Variants in ANTXR2 observed in about 807,000 individuals in gnomAD.
The protein encoded by ANTXR2 is anthrax toxin receptor 2.
In ANTXR2, 44 loss-of-function variants were observed where a neutral mutation model predicts 73.7. That is an observed-to-expected ratio of 0.60 (90% CI 0.47 to 0.77). The LOEUF (loss-of-function observed/expected upper bound fraction) is 0.77, where lower values mean the gene tolerates loss of function less well. Among genes scored for constraint, ANTXR2 ranks in the 30% least tolerant of loss-of-function variants. The pLI is 0.00. For missense variants in ANTXR2, 604 were observed against 592.5 expected (o/e 1.02, Z -0.20); for synonymous variants, 217 against 205.9 (o/e 1.05, Z -0.46).
intron 7 of ANTXR2, among the ~76,000 whole-genome samples, chr4:80,049,418 G>A (rs1733673365): frequency 6.6e-6 from 1 of 151,590 alleles, no homozygotes; most frequent in African/African-American, 2.4e-5. Context: ...AACATTCCAA[G>A]GATTTAAAGA....
chr4:80,000,441 A>C (rs1049453694), intron 12 of ANTXR2, among the ~76,000 whole-genome samples: 1 of 152,032 alleles, frequency 6.6e-6, no homozygotes, highest in Non-Finnish European at 1.5e-5. Context: ...CAATTTTAAG[A>C]ATTGGGATAG....
At chr4:79,923,077 A>G (rs1472962390) in intron 16 of ANTXR2, among the ~76,000 whole-genome samples, 1 of 151,996 alleles carries the variant, frequency 6.6e-6, no homozygotes, top group Non-Finnish European at 1.5e-5. Context: ...TGCTCATCCT[A>G]TAGGATGAGT....
At chr4:79,983,406 G>A (rs1307754917) in intron 14 of ANTXR2, among the ~76,000 whole-genome samples, 1 of 152,000 alleles carries the variant, frequency 6.6e-6, no homozygotes, top group Non-Finnish European at 1.5e-5. Flanking sequence ...AATTACAATA[G>A]TTCATAAGTG....
At chr4:80,061,099 A>G (rs762562890) in intron 3 of ANTXR2, among the ~76,000 whole-genome samples, 1 of 152,144 alleles carries the variant, frequency 6.6e-6, no homozygotes, top group Non-Finnish European at 1.5e-5. Flanking sequence ...CAGAGTAGTC[A>G]AAGTTTTCAT....
intron 3 of ANTXR2, among the ~76,000 whole-genome samples, chr4:80,060,967 G>A (rs538672409): frequency 6.6e-6 from 1 of 152,134 alleles, no homozygotes; most frequent in Admixed American, 6.5e-5. Flanking sequence ...CCTTCACATG[G>A]TTAGCAAGTC....
intron 15 of ANTXR2, 45 bp downstream of exon 15, chr4:79,977,962 T>C (rs751899592): frequency 6.0e-5 from 91 of 1,528,568 alleles, no homozygotes; most frequent in Non-Finnish European, 8.0e-5. Flanking sequence ...AGTTACAATG[T>C]CTCCAGAAGT....
At chr4:80,007,842 C>T (rs547227977) in intron 12 of ANTXR2, among the ~76,000 whole-genome samples, 101 of 152,198 alleles carry the variant, frequency 6.6e-4, no homozygotes, top group Non-Finnish European at 1.1e-3. Context: ...CCACGTAAAC[C>T]CAGTGAGACT....
At position 80,016,592 on chromosome 4, in the gene ANTXR2, T is replaced by C. The variant is rs745883170; in HGVS notation, c.945+2306A>G. On this transcript the variant is annotated intron_variant, in intron 11 of 16. Transcript: ENST00000403729. ...TTTGTACATCCAATCCAGACCTCTC[T>C]CAGAACTCCAGACTTGCATATTCAG... 1.4e-4 allele frequency among the ~76,000 whole-genome samples: 21 copies of C among 152,304 alleles called. 1 individual carries two copies. In the South Asian group the frequency reaches 2.1e-3, roughly 15 times the overall value.
intron 16 of ANTXR2, among the ~76,000 whole-genome samples, chr4:79,950,239 G>A (rs888256179): frequency 6.6e-6 from 1 of 152,018 alleles, no homozygotes; most frequent in African/African-American, 2.4e-5. Context: ...GAATTTAATA[G>A]TTACTATTTG....
chr4:79,933,939 C>G (rs1728160199), intron 16 of ANTXR2, among the ~76,000 whole-genome samples: 1 of 151,772 alleles, frequency 6.6e-6, no homozygotes, highest in Non-Finnish European at 1.5e-5. Context: ...GGGGTTTCGC[C>G]GTGTTAGGGA....
In ANTXR2 at chr4:80,033,489, T is replaced by G. The variant is rs376950692; in HGVS notation, c.779A>C (p.Asn260Thr). The G allele has an allele frequency of 6.3e-7, 1 of 1,599,470 alleles. No homozygotes were observed. The highest frequency in any genetic ancestry group is 8.5e-7 in the Non-Finnish European group (1 of 1,174,236). ...GGACCTACTCGTTGTATATGTTTCA[T>G]TTACAGTGTAAGTGCAGAGAACACT... Reference protein sequence around the residue: ...NGSVLCTYTVNETYTTSVKPV... With the variant: ...NGSVLCTYTVTETYTTSVKPV... Residue 260 changes from asparagine (N) to threonine (T), a missense_variant, in exon 9 of 17, where the codon AAT (asparagine) becomes ACT (threonine). By Grantham distance (65) the Asn-to-Thr change is moderately conservative. Coordinates refer to ENST00000403729, the MANE Select transcript of ANTXR2 (RefSeq NM_058172.6).
At chr4:79,919,385 G>T (rs1727475873) in intron 16 of ANTXR2, among the ~76,000 whole-genome samples, 2 of 152,110 alleles carry the variant, frequency 1.3e-5, no homozygotes, top group South Asian at 4.1e-4. Context: ...ATGTCAACTT[G>T]ATTGGATTGA....
At chr4:80,038,956 A>C (rs1373927238) in intron 7 of ANTXR2, among the ~76,000 whole-genome samples, 4 of 152,238 alleles carry the variant, frequency 2.6e-5, no homozygotes, top group Admixed American at 1.3e-4. Context: ...ATTATACTAT[A>C]CAGCACATTC....
chr4:80,007,248 G>C (rs928876228), intron 12 of ANTXR2, among the ~76,000 whole-genome samples: 4 of 152,138 alleles, frequency 2.6e-5, no homozygotes, highest in African/African-American at 9.7e-5. Context: ...GCAAACATGA[G>C]AGCGGCGGGA....
intron 12 of ANTXR2, among the ~76,000 whole-genome samples, chr4:79,996,069 TATAAG>T (rs1285350417): frequency 4.6e-5 from 7 of 152,098 alleles, no homozygotes; most frequent in African/African-American, 1.7e-4. Context: ...TCATTTTAAA[TATAAG>T]GAGAGGAAAG....
intron 12 of ANTXR2, among the ~76,000 whole-genome samples, chr4:80,002,193 T>TAC (rs1364962025): frequency 1.3e-5 from 2 of 152,124 alleles, no homozygotes; most frequent in Non-Finnish European, 2.9e-5. Context: ...AACAGCATGG[T>TAC]ACTGGTACCA....
chr4:80,072,552 C>G lies in ANTXR2; in HGVS notation c.9G>C (p.Ala3=). 3 of 1,562,684 alleles carry G rather than the reference C, an allele frequency of 1.9e-6. No individual in the cohort carries two copies. Among genetic ancestry groups the G allele is most frequent in the Non-Finnish European group, 2.6e-6 (3 of 1,156,726 alleles). ...CGGGGCTGCGGGCCGGGGACCGCTC[C>G]GCCACCATCCTGCGGCCGGGGGCCT... The part of the protein sequence containing the change: MV[A]ERSPARSPGS... Residue 3 remains alanine, a synonymous_variant, in exon 1 of 17, where the codon GCG becomes GCC. Coordinates refer to ENST00000403729, the MANE Select transcript of ANTXR2 (RefSeq NM_058172.6).
At position 80,035,971 on chromosome 4, in the gene ANTXR2, C is replaced by A. The variant is rs779690230; in HGVS notation, c.697+1G>T. 2 of 1,541,794 alleles carry A rather than the reference C, an allele frequency of 1.3e-6. No individual in the cohort carries two copies. The highest frequency in any genetic ancestry group is 1.7e-6 in the Non-Finnish European group (2 of 1,143,468). ...GGTATTTTTAAATTCTAAACACTTA[C>A]CCCCCACACAGACACTTGAGGGCTG... On this transcript the variant is annotated splice_donor_variant, in intron 8 of 16. Transcript: ENST00000403729. LOFTEE classifies it high-confidence loss of function.
chr4:80,072,769 C>T lies in ANTXR2; in HGVS notation c.-209G>A, dbSNP rs1263769813. On this transcript the variant is annotated 5_prime_UTR_variant, in exon 1 of 17. Transcript: ENST00000403729. Reference sequence around the variant, plus strand: ...GGACAAAGGGAGTCTCCGCCACCGCCGCAGCTGCCGCCGGAACTCTTGACG... The same window carrying T: ...GGACAAAGGGAGTCTCCGCCACCGCTGCAGCTGCCGCCGGAACTCTTGACG... 3.2e-6 allele frequency: 4 copies of T among 1,242,562 alleles called. No individual in the cohort carries two copies. The highest frequency in any genetic ancestry group is 1.6e-5 in the African/African-American group (1 of 63,734). 77.0% of individuals were successfully genotyped at this position (1,242,562 alleles called of 1,614,324 possible).
Sources: allele counts gnomAD v4.1 joint callset (sites outside exome capture counted in the v4.1 genomes callset), GRCh38; gene constraint gnomAD v4.1.1; transcripts MANE v1.5; gene names NCBI Gene and HGNC (gene_info 2026-07-23, HGNC 2026-07-21).